The following LHFPL4 variants were observed in gnomAD, a reference collection of about 807,000 sequenced individuals.
LHFPL4 encodes LHFPL tetraspan subfamily member 4.
LHFPL4 carries 6 observed loss-of-function variants against 20.0 expected under a neutral mutation model. That is an observed-to-expected ratio of 0.30 (90% CI 0.16 to 0.59). The LOEUF (loss-of-function observed/expected upper bound fraction) is 0.59, where lower values mean the gene tolerates loss of function less well. Among genes scored for constraint, LHFPL4 ranks in the 20% least tolerant of loss-of-function variants. The pLI is 0.88. For missense variants in LHFPL4, 215 were observed against 331.2 expected, an observed-to-expected ratio of 0.65 and a Z score of 2.72; for synonymous variants, 129 against 143.8, an observed-to-expected ratio of 0.90 and a Z score of 0.74.
chr3:9,513,240 G>A (rs1356657039), intron 2 of LHFPL4, among the ~76,000 whole-genome samples: 6 of 152,168 alleles, frequency 3.9e-5, no homozygotes, highest in African/African-American at 1.4e-4. Flanking sequence ...GATTAGAGGC[G>A]TGAGCCACCG....
intron 2 of LHFPL4, among the ~76,000 whole-genome samples, chr3:9,529,087 G>A (rs532609537): frequency 6.6e-6 from 1 of 151,722 alleles, no homozygotes; most frequent in South Asian, 2.1e-4. Flanking sequence ...GGAGTGCAGT[G>A]GCACTATCTC....
At chr3:9,544,018 C>T (rs1046359525) in intron 2 of LHFPL4, among the ~76,000 whole-genome samples, 1 of 152,000 alleles carries the variant, frequency 6.6e-6, no homozygotes, top group Non-Finnish European at 1.5e-5. Flanking sequence ...CCAGTGCACC[C>T]AGCCTGGGGT....
intron 2 of LHFPL4, among the ~76,000 whole-genome samples, chr3:9,527,617 G>T (rs868750088): frequency 6.6e-6 from 1 of 151,836 alleles, no homozygotes; most frequent in African/African-American, 2.4e-5. Flanking sequence ...TGAGGTGGGA[G>T]GATTGCTTGA....
rs576575506 is a variant in LHFPL4, at chr3:9,522,467, T to C, written c.407-16264A>G. On this transcript the variant is annotated intron_variant, in intron 2 of 3. Transcript: ENST00000287585. Reference sequence around the variant, plus strand: ...CATAAGAAAAGTTTTTGGCTGGGCGTGGTGGCTCATGCCTGTAATCCCAGC... The same window carrying C: ...CATAAGAAAAGTTTTTGGCTGGGCGCGGTGGCTCATGCCTGTAATCCCAGC... Among the ~76,000 whole-genome samples, 3 of 151,994 alleles carry C rather than the reference T, an allele frequency of 2.0e-5. No homozygotes were observed. The South Asian group carries it at 6.3e-4, about 32-fold the overall frequency.
intron 2 of LHFPL4, among the ~76,000 whole-genome samples, chr3:9,550,433 A>G (rs1479737696): frequency 6.6e-6 from 1 of 152,126 alleles, no homozygotes; most frequent in Non-Finnish European, 1.5e-5. Context: ...TCCCATCTCT[A>G]TACTCAGTTT....
chr3:9,526,288 A>T (rs989830914), intron 2 of LHFPL4, among the ~76,000 whole-genome samples: 1 of 152,174 alleles, frequency 6.6e-6, no homozygotes, highest in Admixed American at 6.5e-5. Flanking sequence ...AGATTAAAAG[A>T]GTTCTGGAGA....
chr3:9,528,480 C>T (rs1211674595), intron 2 of LHFPL4, among the ~76,000 whole-genome samples: 1 of 152,132 alleles, frequency 6.6e-6, no homozygotes, highest in Non-Finnish European at 1.5e-5. Context: ...CTATTTTCGC[C>T]ACACCTTCAG....
intron 2 of LHFPL4, among the ~76,000 whole-genome samples, chr3:9,522,494 C>T (rs2046344641): frequency 6.6e-6 from 1 of 151,610 alleles, no homozygotes; most frequent in East Asian, 2.0e-4. Context: ...AATCCCAGCA[C>T]TTTGGGAGGC....
intron 2 of LHFPL4, chr3:9,550,609 A>G (rs1404819315): frequency 2.6e-5 from 4 of 152,268 alleles, no homozygotes; most frequent in Admixed American, 6.5e-5. Context: ...TCAGCAACCC[A>G]TCTGCAGACT....
chr3:9,538,791 C>A (rs1441900719), intron 2 of LHFPL4, among the ~76,000 whole-genome samples: 2 of 151,822 alleles, frequency 1.3e-5, no homozygotes, highest in Non-Finnish European at 2.9e-5. Flanking sequence ...CTCCGCCTCC[C>A]TGGTTCAAGG....
chr3:9,540,359 T>G (rs9868149), intron 2 of LHFPL4, among the ~76,000 whole-genome samples: 46,686 of 152,056 alleles, frequency 0.31, 7,691 homozygotes, highest in Non-Finnish European at 0.37. Context: ...CTTGGAAATA[T>G]GTCCACAAAT....
At chr3:9,544,140 T>C (rs1049996170) in intron 2 of LHFPL4, among the ~76,000 whole-genome samples, 1 of 152,048 alleles carries the variant, frequency 6.6e-6, no homozygotes, top group African/African-American at 2.4e-5. Flanking sequence ...AAACTGGTAA[T>C]GGGGGTTGTC....
At chr3:9,520,815 T>G (rs2046332582) in intron 2 of LHFPL4, among the ~76,000 whole-genome samples, 1 of 152,168 alleles carries the variant, frequency 6.6e-6, no homozygotes, top group Non-Finnish European at 1.5e-5. Flanking sequence ...TGTTAAGGTG[T>G]GTTTTTTGGT....
chr3:9,547,889 TCCG>T (rs2046526488), intron 2 of LHFPL4, among the ~76,000 whole-genome samples: 2 of 152,206 alleles, frequency 1.3e-5, no homozygotes, highest in Admixed American at 1.3e-4. Flanking sequence ...CACTGCAACC[TCCG>T]CCTCCCAGGC....
At chr3:9,550,542 C>T (rs2046546955) in intron 2 of LHFPL4, 1 of 152,146 alleles carries the variant, frequency 6.6e-6, no homozygotes, top group Non-Finnish European at 1.5e-5. Flanking sequence ...TTGGACAATT[C>T]ATCAAATCCC....
intron 2 of LHFPL4, among the ~76,000 whole-genome samples, chr3:9,545,776 G>A (rs2125667646): frequency 6.6e-6 from 1 of 151,934 alleles, no homozygotes; most frequent in Middle Eastern, 3.4e-3. Flanking sequence ...AGGCATGGTG[G>A]TGTGTGCCTG....
At chr3:9,534,475 G>C (rs1404538274) in intron 2 of LHFPL4, among the ~76,000 whole-genome samples, 1 of 152,162 alleles carries the variant, frequency 6.6e-6, no homozygotes, top group Admixed American at 6.6e-5. Flanking sequence ...AAAGAGGCAG[G>C]AAATCATATG....
intron 2 of LHFPL4, among the ~76,000 whole-genome samples, chr3:9,533,578 C>G (rs185924583): frequency 2.1e-4 from 32 of 152,266 alleles, no homozygotes; most frequent in Admixed American, 8.5e-4. Context: ...GTCAGGAGAT[C>G]GAGACCATCC....
rs1383029442 is a variant in LHFPL4, at chr3:9,500,687, C to T, written c.*1524G>A. On this transcript the variant is annotated 3_prime_UTR_variant, in exon 4 of 4. Transcript: ENST00000287585. ...CCTGGCATCCTGCAGGGCACCGCCCCTTCCCTGCAGGTCCAGGCCGCCAGG... is the reference window on the plus strand; with the variant it reads ...CCTGGCATCCTGCAGGGCACCGCCCTTTCCCTGCAGGTCCAGGCCGCCAGG... 1.3e-5 allele frequency: 2 copies of T among 152,306 alleles called. No homozygotes were observed. Among genetic ancestry groups the T allele is most frequent in the African/African-American group, 4.8e-5 (2 of 41,480 alleles). 9.4% of individuals were successfully genotyped at this position (152,306 alleles called of 1,614,324 possible).
Sources: gnomAD v4.1 joint callset for allele counts (sites outside exome capture counted in the v4.1 genomes callset) on GRCh38, gnomAD v4.1.1 for gene constraint, MANE v1.5 for transcripts, NCBI Gene and HGNC (gene_info 2026-07-23, HGNC 2026-07-21) for gene names.